Variants in PTH1R observed in about 807,000 individuals in gnomAD.
PTH1R encodes parathyroid hormone 1 receptor, also known as parathyroid hormone/parathyroid hormone-related peptide receptor.
Under a neutral mutation model 70.7 loss-of-function variants are expected in PTH1R, and 32 were observed. That is an observed-to-expected ratio of 0.45 (90% CI 0.34 to 0.61). The LOEUF is 0.61. PTH1R is among the 20% of genes least tolerant of loss of function. The pLI, the probability that PTH1R is intolerant of heterozygous loss-of-function variation, is 0.01. For synonymous variants in PTH1R, 329 were observed against 324.8 expected (o/e 1.01, Z -0.14); for missense variants, 626 against 792.5 (o/e 0.79, Z 2.52).
chr3:46,901,398 C>A lies in PTH1R; in HGVS notation c.1050-16C>A. On this transcript the variant is annotated splice_polypyrimidine_tract_variant and intron_variant, in intron 11 of 15. Transcript: ENST00000449590. The surrounding 1 kb of genome is among the most constrained non-coding windows in gnomAD (Gnocchi z 7.3). ...GGAACAGGAGGGATGGGAGCTAATG[C>A]CTCAACCTCCCCCAGGTGCTGGGAC... is the stretch of plus-strand genomic sequence containing the variant. 1 of 1,561,664 alleles carries A rather than the reference C, an allele frequency of 6.4e-7. No individual in the cohort carries two copies. The highest frequency in any genetic ancestry group is 8.7e-7 in the Non-Finnish European group (1 of 1,152,194).
intron 3 of PTH1R, among the ~76,000 whole-genome samples, chr3:46,888,941 C>G (rs2031215098): frequency 6.6e-6 from 1 of 151,596 alleles, no homozygotes; most frequent in Admixed American, 6.6e-5. Flanking sequence ...GCAGCCTGTT[C>G]AGGAAAGCCT....
chr3:46,898,625 C>A (rs1366273334), intron 8 of PTH1R, 37 bp from the exon 9 acceptor site: 1 of 1,609,126 alleles, frequency 6.2e-7, no homozygotes, highest in African/African-American at 1.3e-5. Context: ...CGCGCGTCCC[C>A]GTGCCCCCAC....
Position 46,903,572 on chromosome 3 carries a change from C to T in PTH1R, c.1698C>T (p.Gly566=). 9.3e-6 allele frequency: 15 copies of T among 1,613,894 alleles called. No homozygotes were observed. Among genetic ancestry groups the T allele is most frequent in the Non-Finnish European group, 1.2e-5 (14 of 1,180,034 alleles). The change falls in exon 16 of 16, where the codon GGC becomes GGT. Residue 566 remains glycine (G), a synonymous_variant. Transcript: ENST00000449590. The surrounding 1 kb of genome is among the most constrained non-coding windows in gnomAD (Gnocchi z 4.4). ...CCAAGGACGATGGGTTCCTCAACGGCTCCTGCTCAGGCCTGGACGAGGAGG... is the reference window on the plus strand; with the variant it reads ...CCAAGGACGATGGGTTCCTCAACGGTTCCTGCTCAGGCCTGGACGAGGAGG... ...AAPKDDGFLN[G]SCSGLDEEAS... is the part of the protein sequence containing the mutation.
In PTH1R at chr3:46,901,695, G is replaced by A; in HGVS notation, c.1117-71G>A. On this transcript the variant is annotated intron_variant, in intron 12 of 15. Coordinates refer to ENST00000449590, the MANE Select transcript of PTH1R (RefSeq NM_000316.3). The surrounding 1 kb of genome is among the most constrained non-coding windows in gnomAD (Gnocchi z 7.3). ...ATGCAGTGACAGAGCAGAGCCTATG[G>A]CCGTGGCTGCCAGGCCTTGCCCCGC... is the stretch of plus-strand genomic sequence containing the variant. The A allele has an allele frequency of 1.3e-6, 2 of 1,506,268 alleles. No individual in the cohort carries two copies. The highest frequency in any genetic ancestry group is 3.4e-5 in the Admixed American group (2 of 59,694). The allele number at this position is 1,506,268 out of a possible 1,614,324, so 93.3% of individuals were successfully genotyped here.
rs1193601188 is a variant in PTH1R at position 46,883,668 on chromosome 3, CT to C, written c.75+35del. 6.5e-7 allele frequency: 1 copy of C among 1,545,074 alleles called. No individual in the cohort carries two copies. The highest frequency in any genetic ancestry group is 1.4e-5 in the African/African-American group (1 of 73,032). ...CCCGCCGCCAACACTCCGGGACAGG[CT>C]GCGGGCTTACCCTAGGGTCCGCGGG... On this transcript the variant is annotated intron_variant, in intron 3 of 15. Coordinates refer to ENST00000449590, the MANE Select transcript of PTH1R (RefSeq NM_000316.3). The surrounding 1 kb of genome is among the most constrained non-coding windows in gnomAD (Gnocchi z 6.4).
At position 46,893,786 on chromosome 3, in the gene PTH1R, A is replaced by G; in HGVS notation, c.76-121A>G. 3 of 887,156 alleles carry G rather than the reference A, an allele frequency of 3.4e-6. No individual in the cohort carries two copies. Among genetic ancestry groups the G allele is most frequent in the Non-Finnish European group, 5.5e-6 (3 of 543,718 alleles). 55.0% of individuals were successfully genotyped at this position (887,156 alleles called of 1,614,324 possible). ...ATTCCCCACATGCAGGGGAAATCCC[A>G]CCTTCCCTCTAGAGTCAGGGCCTTT... On this transcript the variant is annotated intron_variant, in intron 3 of 15. Coordinates refer to ENST00000449590, the MANE Select transcript of PTH1R (RefSeq NM_000316.3). The surrounding 1 kb of genome is among the most constrained non-coding windows in gnomAD (Gnocchi z 5.2).
intron 8 of PTH1R, 31 bp from the exon 9 acceptor site, chr3:46,898,631 C>A: frequency 6.2e-7 from 1 of 1,609,932 alleles, no homozygotes. Flanking sequence ...TCCCCGTGCC[C>A]CCACCCACGG....
rs552828104 is a variant in PTH1R at position 46,893,948 on chromosome 3, C to T, written c.117C>T (p.Phe39=). ...DDVMTKEEQI[F]LLHRAQAQCE... is the part of the protein sequence containing the mutation. The stretch of plus-strand genomic sequence containing the variant: ...TCATGACTAAAGAGGAACAGATCTT[C>T]CTGCTGCACCGTGCTCAGGCCCAGT... Residue 39 remains phenylalanine, a synonymous_variant, in exon 4 of 16, where the codon TTC becomes TTT. Coordinates refer to ENST00000449590, the MANE Select transcript of PTH1R (RefSeq NM_000316.3). The surrounding 1 kb of genome is among the most constrained non-coding windows in gnomAD (Gnocchi z 5.2). 3 of 1,614,160 alleles carry T rather than the reference C, an allele frequency of 1.9e-6. No homozygotes were observed. The highest frequency in any genetic ancestry group is 2.2e-5 in the East Asian group (1 of 44,880).
rs1204612656 is a variant in PTH1R, at chr3:46,879,136, G to C, written c.-106+1293G>C. 1.3e-5 allele frequency among the ~76,000 whole-genome samples: 2 copies of C among 152,184 alleles called. No individual in the cohort carries two copies. The highest frequency in any genetic ancestry group is 2.9e-5 in the Non-Finnish European group (2 of 68,042). On this transcript the variant is annotated intron_variant, in intron 1 of 15. Transcript: ENST00000449590. This position sits in a 1 kb window ranked among gnomAD's most constrained non-coding sequence, Gnocchi z 4.7. The stretch of plus-strand genomic sequence containing the variant: ...GTGGCCCCACCCACAGCTGTGGAAT[G>C]TCCAGCAGGGGACTCTGGGGTGAGG...
chr3:46,898,959 C>T, intron 9 of PTH1R, 102 bp downstream of exon 9: 1 of 877,872 alleles, frequency 1.1e-6, no homozygotes, highest in Non-Finnish European at 1.6e-6. Context: ...CGCCTCCTGC[C>T]AGCGCCACTG....
Position 46,902,357 on chromosome 3 carries a change from C to A in PTH1R, c.1212-169C>A, listed in dbSNP as rs1334279852. 6.6e-6 allele frequency among the ~76,000 whole-genome samples: 1 copy of A among 152,228 alleles called. No homozygotes were observed. The highest frequency in any genetic ancestry group is 6.5e-5 in the Admixed American group (1 of 15,290). On this transcript the variant is annotated intron_variant, in intron 13 of 15. Coordinates refer to ENST00000449590, the MANE Select transcript of PTH1R (RefSeq NM_000316.3). The surrounding 1 kb of genome is among the most constrained non-coding windows in gnomAD (Gnocchi z 5.4). ...TGAGAACCAACGGGCCCTATTAGCA[C>A]TTAGCCAGGACAGCAGCCATGCAGG... is the stretch of plus-strand genomic sequence containing the variant.
chr3:46,898,984 A>C, intron 9 of PTH1R, 127 bp downstream of exon 9: 1 of 755,046 alleles, frequency 1.3e-6, no homozygotes, highest in Non-Finnish European at 2.1e-6. Flanking sequence ...CAGCCACTCA[A>C]ACCCGTCTTA....
chr3:46,881,505 G>A (rs2030562547), intron 2 of PTH1R, among the ~76,000 whole-genome samples: 1 of 152,154 alleles, frequency 6.6e-6, no homozygotes, highest in African/African-American at 2.4e-5. Context: ...CCCAGGTCTG[G>A]CAGCCTCGAG....
Position 46,892,670 on chromosome 3 carries a change from T to C in PTH1R, c.76-1237T>C. On this transcript the variant is annotated intron_variant, in intron 3 of 15. Coordinates refer to ENST00000449590, the MANE Select transcript of PTH1R (RefSeq NM_000316.3). The surrounding 1 kb of genome is among the most constrained non-coding windows in gnomAD (Gnocchi z 5.2). ...GCCCCTCTCGCCGGTGCCCGCCCCA[T>C]GCCCGACCCGCCTTCTTCCTCCCCT... The C allele has an allele frequency of 1.3e-6, 1 of 755,204 alleles. No individual in the cohort carries two copies. The highest frequency in any genetic ancestry group is 6.1e-5 in the South Asian group (1 of 16,522). The allele number at this position is 755,204 out of a possible 1,614,324, so 46.8% of individuals were successfully genotyped here.
chr3:46,883,360 T>TGCTCGCTCGCTCGCTC lies in PTH1R; in HGVS notation c.-48-141_-48-126dup, dbSNP rs1163885154. The TGCTCGCTCGCTCGCTC allele has an allele frequency of 2.5e-4, 35 of 141,194 alleles. No homozygotes were observed. The highest frequency in any genetic ancestry group is 2.4e-3 in the East Asian group (10 of 4,164). 8.7% of individuals were successfully genotyped at this position (141,194 alleles called of 1,614,324 possible). The stretch of plus-strand genomic sequence containing the variant: ...CCCTCCCTCCCTCCCTCCTTTGCGC[T>TGCTCGCTCGCTCGCTC]GCTCGCTCGCTCGCTCGCTCGCTCG... On this transcript the variant is annotated intron_variant, in intron 2 of 15. Transcript: ENST00000449590. The surrounding 1 kb of genome is among the most constrained non-coding windows in gnomAD (Gnocchi z 6.4).
At chr3:46,881,011 G>C (rs1356592712) in intron 1 of PTH1R, 51 bp from the exon 2 acceptor site, 4 of 152,408 alleles carry the variant, frequency 2.6e-5, no homozygotes, top group Non-Finnish European at 5.9e-5. Context: ...AAACTAAACA[G>C]TAAAGTTAAC....
rs1198850696 is a variant in PTH1R at position 46,884,942 on chromosome 3, A to G, written c.75+1308A>G. Among the ~76,000 whole-genome samples, 3 of 152,192 alleles carry G rather than the reference A, an allele frequency of 2.0e-5. No individual in the cohort carries two copies. Among genetic ancestry groups the G allele is most frequent in the African/African-American group, 7.2e-5 (3 of 41,436 alleles). On this transcript the variant is annotated intron_variant, in intron 3 of 15. Transcript: ENST00000449590. The surrounding 1 kb of genome is among the most constrained non-coding windows in gnomAD (Gnocchi z 4.8). The stretch of plus-strand genomic sequence containing the variant: ...ACACCCTCACAATTCTGGCCCCAGC[A>G]AAGGCTCCCCACCAAAGACAGCCCC...
At chr3:46,890,572 C>T (rs1415272370) in intron 3 of PTH1R, among the ~76,000 whole-genome samples, 2 of 142,758 alleles carry the variant, frequency 1.4e-5, no homozygotes, top group Non-Finnish European at 3.0e-5. Context: ...GGCGCGATCT[C>T]GGCTCACTGG....
intron 3 of PTH1R, among the ~76,000 whole-genome samples, chr3:46,890,573 G>A (rs948443198): frequency 3.5e-5 from 5 of 143,774 alleles, no homozygotes; most frequent in African/African-American, 1.3e-4. Flanking sequence ...GCGCGATCTC[G>A]GCTCACTGGA....
Sources: allele counts gnomAD v4.1 joint callset (sites outside exome capture counted in the v4.1 genomes callset), GRCh38; gene constraint gnomAD v4.1.1; non-coding constraint Gnocchi (gnomAD v3.1); transcripts MANE v1.5; gene names NCBI Gene and HGNC (gene_info 2026-07-23, HGNC 2026-07-21).